Variants in UBR2 observed in about 807,000 individuals in gnomAD.
The protein encoded by UBR2 is ubiquitin protein ligase E3 component n-recognin 2.
In UBR2, 92 loss-of-function variants were observed where a neutral mutation model predicts 247.9. That is an observed-to-expected ratio of 0.37 (90% CI 0.31 to 0.44). UBR2 has a LOEUF of 0.44. Ranked by LOEUF, UBR2 falls within the 20% of genes least tolerant of loss-of-function variation. The pLI, the probability that UBR2 is intolerant of heterozygous loss-of-function variation, is 1.00. For missense variants in UBR2, 1,613 were observed against 2,112.6 expected, an observed-to-expected ratio of 0.76 and a Z score of 4.64; for synonymous variants, 672 against 693.5, an observed-to-expected ratio of 0.97 and a Z score of 0.49.
At chr6:42,640,097 G>A in intron 15 of UBR2, 112 bp from the exon 16 acceptor site, 2 of 770,648 alleles carry the variant, frequency 2.6e-6, no homozygotes. Context: ...TAATTTGATA[G>A]GTTCCCAAAG....
intron 11 of UBR2, among the ~76,000 whole-genome samples, chr6:42,631,475 T>G (rs749268711): frequency 9.2e-5 from 14 of 152,168 alleles, no homozygotes; most frequent in Non-Finnish European, 1.8e-4. Flanking sequence ...TCATTAAAAT[T>G]TATTATGTGC....
At chr6:42,661,442 T>G (rs1344913179) in intron 30 of UBR2, among the ~76,000 whole-genome samples, 1 of 152,230 alleles carries the variant, frequency 6.6e-6, no homozygotes, top group Admixed American at 6.5e-5. Context: ...ACTGTTCTAG[T>G]GTTAAAGCAA....
At chr6:42,649,208 A>C (rs764671901) in intron 22 of UBR2, among the ~76,000 whole-genome samples, 5 of 152,098 alleles carry the variant, frequency 3.3e-5, no homozygotes, top group Non-Finnish European at 5.9e-5. Context: ...GGGTTTCACC[A>C]TGTTGACCAG....
chr6:42,658,103 C>T lies in UBR2; in HGVS notation c.2952C>T (p.Val984=). The T allele has an allele frequency of 6.2e-7, 1 of 1,614,030 alleles. No individual in the cohort carries two copies. Among genetic ancestry groups the T allele is most frequent in the Non-Finnish European group, 8.5e-7 (1 of 1,179,966 alleles). The change falls in exon 27 of 47, where the codon GTC becomes GTT. Residue 984 remains valine (V), a synonymous_variant. Coordinates refer to ENST00000372901, the MANE Select transcript of UBR2 (RefSeq NM_001363705.2). The part of the protein sequence containing the change: ...ETLQNAPYLE[V]HKDMIRWILK... ...TACAAAATGCTCCCTACCTAGAAGT[C>T]CACAAAGACATGATTCGGTGGATAT...
At chr6:42,568,689 C>CA (rs1790928977) in intron 1 of UBR2, among the ~76,000 whole-genome samples, 1 of 151,682 alleles carries the variant, frequency 6.6e-6, no homozygotes, top group African/African-American at 2.4e-5. Context: ...AAGATCGCGC[C>CA]ACTGCACTCC....
intron 11 of UBR2, chr6:42,619,453 AT>A (rs1554251969): frequency 8.4e-4 from 20 of 23,836 alleles, no homozygotes; most frequent in African/African-American, 1.6e-3. Flanking sequence ...ATATATATAT[AT>A]TTTTTTTTTT....
chr6:42,645,330 GCA>G (rs1458337943), intron 20 of UBR2, 134 bp from the exon 21 acceptor site: 17 of 818,996 alleles, frequency 2.1e-5, no homozygotes, highest in Non-Finnish European at 3.0e-5. Flanking sequence ...CTGGCTTATT[GCA>G]GAACAGTCAT....
At chr6:42,628,546 A>AC (rs781480336) in intron 11 of UBR2, among the ~76,000 whole-genome samples, 128 of 152,026 alleles carry the variant, frequency 8.4e-4, no homozygotes, top group Non-Finnish European at 1.2e-3. Context: ...ACATGGTGAA[A>AC]CCCCGTCTCT....
At chr6:42,642,563 A>G in intron 18 of UBR2, 82 bp downstream of exon 18, 1 of 1,193,404 alleles carries the variant, frequency 8.4e-7, no homozygotes, top group Non-Finnish European at 1.2e-6. Flanking sequence ...GTCACTTGTG[A>G]TCACTCCCAA....
intron 2 of UBR2, among the ~76,000 whole-genome samples, chr6:42,583,554 C>T (rs1434901480): frequency 1.1e-4 from 16 of 147,500 alleles, no homozygotes; most frequent in African/African-American, 3.5e-4. Context: ...CTGAGACTTG[C>T]TCTGTTTCCC....
chr6:42,584,397 C>T lies in UBR2; in HGVS notation c.339-7754C>T, dbSNP rs562777479. The stretch of plus-strand genomic sequence containing the variant: ...TTCATTGCTATGTCTATTCTTATGT[C>T]AAAGACATTACTTTGATTATTGCAG... On this transcript the variant is annotated intron_variant, in intron 2 of 46. Coordinates refer to ENST00000372901, the MANE Select transcript of UBR2 (RefSeq NM_001363705.2). Among the ~76,000 whole-genome samples, 22 of 152,298 alleles carry T rather than the reference C, an allele frequency of 1.4e-4. No homozygotes were observed. The South Asian group carries it at 4.6e-3, about 32-fold the overall frequency.
chr6:42,614,497 T>C (rs1384042419), intron 8 of UBR2, among the ~76,000 whole-genome samples: 2 of 151,354 alleles, frequency 1.3e-5, no homozygotes, highest in Admixed American at 6.6e-5. Flanking sequence ...TTAATGCTTA[T>C]ATTAATATTT....
At chr6:42,578,364 C>G (rs1345724885) in intron 2 of UBR2, among the ~76,000 whole-genome samples, 2 of 152,104 alleles carry the variant, frequency 1.3e-5, no homozygotes, top group East Asian at 1.9e-4. Flanking sequence ...TGATCTTACC[C>G]AAATCCCATT....
intron 18 of UBR2, among the ~76,000 whole-genome samples, chr6:42,643,304 A>G (rs1796551112): frequency 6.6e-6 from 1 of 152,150 alleles, no homozygotes; most frequent in East Asian, 1.9e-4. Flanking sequence ...CATTATAGAA[A>G]AATAAAGCTG....
chr6:42,665,346 G>T, intron 32 of UBR2, 63 bp from the exon 33 acceptor site: 3 of 1,217,106 alleles, frequency 2.5e-6, no homozygotes, highest in Non-Finnish European at 3.5e-6. Context: ...GATCATTTAA[G>T]GAGTCTTTTG....
chr6:42,590,120 TTA>T (rs1272930141), intron 2 of UBR2, among the ~76,000 whole-genome samples: 10 of 152,180 alleles, frequency 6.6e-5, no homozygotes, highest in Non-Finnish European at 2.9e-5. Context: ...TGTATTAATA[TTA>T]TGTTAAAATA....
chr6:42,634,732 G>C (rs1406478985), intron 13 of UBR2, among the ~76,000 whole-genome samples: 1 of 152,250 alleles, frequency 6.6e-6, no homozygotes, highest in Non-Finnish European at 1.5e-5. Context: ...TGGGATTACA[G>C]GCGTGGGCCA....
intron 13 of UBR2, among the ~76,000 whole-genome samples, chr6:42,635,110 A>G (rs1261216110): frequency 6.6e-6 from 1 of 152,200 alleles, no homozygotes; most frequent in African/African-American, 2.4e-5. Flanking sequence ...TCTATAGACC[A>G]TAGAGCTAAA....
At chr6:42,679,610 C>A in intron 41 of UBR2, 114 bp from the exon 42 acceptor site, 1 of 759,742 alleles carries the variant, frequency 1.3e-6, no homozygotes, top group Non-Finnish European at 2.2e-6. Flanking sequence ...AGTTACGTAC[C>A]TGGCAAATTG....
Sources: allele counts gnomAD v4.1 joint callset (sites outside exome capture counted in the v4.1 genomes callset), GRCh38; gene constraint gnomAD v4.1.1; transcripts MANE v1.5; gene names NCBI Gene and HGNC (gene_info 2026-07-23, HGNC 2026-07-21).